RP1: variants seen among roughly 807,000 people sequenced by gnomAD.
RP1 encodes the protein RP1 axonemal microtubule associated.
Under a neutral mutation model 14.8 loss-of-function variants are expected in RP1, and 16 were observed. The observed-to-expected ratio is 1.08, with a 90% CI of 0.73 to 1.65. The LOEUF is 1.65. Among genes scored for constraint, RP1 ranks in the 40% most tolerant of loss-of-function variants. The pLI is 0.00. For missense variants in RP1, 2,631 were observed against 2,535.0 expected (o/e 1.04, Z -0.81); for synonymous variants, 876 against 883.6 (o/e 0.99, Z 0.15).
rs1397075151 is a variant in RP1, at chr8:54,863,155, T to C, written c.4070-2680T>C. On this transcript the variant is annotated intron_variant, in intron 27 of 28. Coordinates refer to the RP1 transcript ENST00000637698. ...TGATGGTAGTCCCATAAGATTATCA[T>C]GGAGTTGAAAAATTCCTATCACCTA... is the stretch of plus-strand genomic sequence containing the variant. Among the ~76,000 whole-genome samples, 7 of 150,714 alleles carry C rather than the reference T, an allele frequency of 4.6e-5. No individual in the cohort carries two copies. The Admixed American group carries it at 4.6e-4, about 10-fold the overall frequency.
At chr8:54,805,940 T>C (rs1332289962) in intron 24 of RP1, among the ~76,000 whole-genome samples, 2 of 152,196 alleles carry the variant, frequency 1.3e-5, no homozygotes, top group Non-Finnish European at 2.9e-5. Context: ...CACCTTCTCT[T>C]TTGCAGAATG....
intron 1 of RP1, among the ~76,000 whole-genome samples, chr8:54,573,154 A>G (rs1465532196): frequency 6.6e-6 from 1 of 152,198 alleles, no homozygotes; most frequent in African/African-American, 2.4e-5. Flanking sequence ...AGGATATAAA[A>G]TAGACCCAGA....
At chr8:54,676,725 C>T (rs1807303232) in intron 8 of RP1, among the ~76,000 whole-genome samples, 1 of 152,078 alleles carries the variant, frequency 6.6e-6, no homozygotes, top group South Asian at 2.1e-4. Flanking sequence ...AAAATGTAGG[C>T]AATATATTTT....
intron 24 of RP1, among the ~76,000 whole-genome samples, chr8:54,835,244 C>T (rs1157753364): frequency 6.6e-6 from 1 of 152,136 alleles, no homozygotes; most frequent in African/African-American, 2.4e-5. Context: ...TAAACCAGAA[C>T]TAAGTTCCAA....
chr8:54,606,667 C>G (rs1470384431), intron 1 of RP1, among the ~76,000 whole-genome samples: 1 of 152,226 alleles, frequency 6.6e-6, no homozygotes, highest in African/African-American at 2.4e-5. Flanking sequence ...CTCCTCATCA[C>G]TTTCAGGTAC....
chr8:54,735,589 T>G (rs540701036), intron 18 of RP1, among the ~76,000 whole-genome samples: 2 of 152,304 alleles, frequency 1.3e-5, no homozygotes, highest in Non-Finnish European at 2.9e-5. Flanking sequence ...TCACTAATAC[T>G]CAAATGGTTT....
intron 16 of RP1, among the ~76,000 whole-genome samples, chr8:54,720,761 T>C (rs1390559496): frequency 2.0e-5 from 3 of 152,218 alleles, no homozygotes; most frequent in Non-Finnish European, 4.4e-5. Context: ...AATTTCAAGA[T>C]AGGACAGAAA....
At chr8:54,632,382 C>T (rs1237800683), downstream of RP1, among the ~76,000 whole-genome samples, 1 of 152,164 alleles carries the variant, frequency 6.6e-6, no homozygotes, top group East Asian at 1.9e-4. Flanking sequence ...GGAGTGACAA[C>T]CATGAATTAG....
intron 1 of RP1, among the ~76,000 whole-genome samples, chr8:54,585,648 T>C (rs1415558798): frequency 6.6e-6 from 1 of 152,226 alleles, no homozygotes; most frequent in African/African-American, 2.4e-5. Flanking sequence ...AAGAGGTAGA[T>C]TTGGTCTTTT....
intron 1 of RP1, among the ~76,000 whole-genome samples, chr8:54,592,057 G>A (rs779649515): frequency 2.0e-5 from 3 of 152,214 alleles, no homozygotes; most frequent in Admixed American, 1.3e-4. Context: ...GTAAAGGGAT[G>A]TGGATATGGG....
chr8:54,562,588 C>T lies in RP1; in HGVS notation c.-13+3268C>T, dbSNP rs147961202. On this transcript the variant is annotated intron_variant, in intron 1 of 22. Transcript: ENST00000636932. The stretch of plus-strand genomic sequence containing the variant: ...ACTCAGGAGGCCGAAGCAGAAGAAT[C>T]GATTGAACCCGGGAGGCAGAGGTTG... Among the ~76,000 whole-genome samples the T allele has an allele frequency of 6.4e-3, 971 of 151,702 alleles. 7 individuals are homozygous for T. Among genetic ancestry groups the T allele is most frequent in the Non-Finnish European group, 7.4e-3 (502 of 67,944 alleles).
intron 22 of RP1, among the ~76,000 whole-genome samples, chr8:54,763,572 C>T (rs1488924129): frequency 3.3e-5 from 5 of 152,020 alleles, no homozygotes; most frequent in South Asian, 2.1e-4. Context: ...CCCAGCTACT[C>T]GGGAGGCTGA....
intron 24 of RP1, among the ~76,000 whole-genome samples, chr8:54,805,094 C>T (rs77107411): frequency 0.029 from 4,363 of 152,258 alleles, 120 homozygotes; most frequent in African/African-American, 0.064. Flanking sequence ...ATCAACAACA[C>T]TGGCAGTGCC....
chr8:54,661,570 T>C (rs1806899878), intron 6 of RP1, among the ~76,000 whole-genome samples: 1 of 152,044 alleles, frequency 6.6e-6, no homozygotes, highest in Non-Finnish European at 1.5e-5. Flanking sequence ...TAGTTCCTAC[T>C]TATAAACCTT....
chr8:54,765,108 C>T (rs1809730070), intron 22 of RP1, among the ~76,000 whole-genome samples: 1 of 152,256 alleles, frequency 6.6e-6, no homozygotes, highest in Non-Finnish European at 1.5e-5. Context: ...CAGCAGGCCG[C>T]ATCTCCATGC....
intron 22 of RP1, among the ~76,000 whole-genome samples, chr8:54,767,854 A>T (rs112359982): frequency 1.3e-5 from 2 of 152,346 alleles, no homozygotes; most frequent in South Asian, 2.1e-4. Flanking sequence ...GCTCCAGAGG[A>T]GGAAAGAACA....
chr8:54,828,416 G>A (rs377397476), intron 24 of RP1, among the ~76,000 whole-genome samples: 2 of 152,082 alleles, frequency 1.3e-5, no homozygotes, highest in Non-Finnish European at 2.9e-5. Context: ...ATTCTCAAGA[G>A]AACTAGTTGG....
At position 54,663,690 on chromosome 8, in the gene RP1, T is replaced by C. The variant is rs904040283; in HGVS notation, c.1172-9T>C. On this transcript the variant is annotated splice_polypyrimidine_tract_variant and intron_variant, in intron 6 of 22. Transcript: ENST00000636932. ...TTGGCACTGAAAGTTTTTTTTCTTA[T>C]GTTGTCAGTGACAATATATGAAGTG... 5 of 1,509,606 alleles carry C rather than the reference T, an allele frequency of 3.3e-6. No homozygotes were observed. The African/African-American group carries it at 4.2e-5, about 13-fold the overall frequency. 93.5% of individuals were successfully genotyped at this position (1,509,606 alleles called of 1,614,324 possible).
chr8:54,759,886 A>G (rs902679291), intron 22 of RP1, among the ~76,000 whole-genome samples: 1 of 152,136 alleles, frequency 6.6e-6, no homozygotes, highest in Non-Finnish European at 1.5e-5. Flanking sequence ...CATTTTGAAA[A>G]TTTGAATCTT....
Sources: gnomAD v4.1 joint callset for allele counts (sites outside exome capture counted in the v4.1 genomes callset) on GRCh38, gnomAD v4.1.1 for gene constraint, MANE v1.5 for transcripts, NCBI Gene and HGNC (gene_info 2026-07-23, HGNC 2026-07-21) for gene names.